Variants in ACSL1 observed in about 807,000 individuals in gnomAD.
The protein encoded by ACSL1 is acyl-CoA synthetase long chain family member 1.
In ACSL1, 41 loss-of-function variants were observed where a neutral mutation model predicts 98.4. The observed-to-expected ratio is 0.42, with a 90% CI of 0.32 to 0.54. The LOEUF (loss-of-function observed/expected upper bound fraction) is 0.54, where lower values mean the gene tolerates loss of function less well. Among genes scored for constraint, ACSL1 ranks in the 20% least tolerant of loss-of-function variants. ACSL1 has a pLI of 0.13. For missense variants in ACSL1, 734 were observed against 883.1 expected, an observed-to-expected ratio of 0.83 and a Z score of 2.14; for synonymous variants, 316 against 322.7, an observed-to-expected ratio of 0.98 and a Z score of 0.22.
Position 184,765,881 on chromosome 4 carries a change from T to G in ACSL1, c.1359+10A>C. 6.2e-7 allele frequency: 1 copy of G among 1,610,282 alleles called. No homozygotes were observed. Among genetic ancestry groups the G allele is most frequent in the African/African-American group, 1.3e-5 (1 of 74,898 alleles). On this transcript the variant is annotated intron_variant, in intron 14 of 20. Coordinates refer to ENST00000281455, the MANE Select transcript of ACSL1 (RefSeq NM_001995.5). Reference sequence around the variant, plus strand: ...TGTGGGAGAATCAGGCGCCGTGACATCCACCTCACCTGACAGCCCAGGGCT... The same window carrying G: ...TGTGGGAGAATCAGGCGCCGTGACAGCCACCTCACCTGACAGCCCAGGGCT...
intron 2 of ACSL1, among the ~76,000 whole-genome samples, chr4:184,797,339 T>C (rs12504996): frequency 0.1 from 15,368 of 152,278 alleles, 941 homozygotes; most frequent in Non-Finnish European, 0.14. Context: ...TTATTTCTCC[T>C]AGTTTGCAAG....
intron 15 of ACSL1, 149 bp from the exon 16 acceptor site, chr4:184,763,404 A>G (rs773820563): frequency 6.6e-5 from 49 of 738,746 alleles, no homozygotes; most frequent in East Asian, 1.6e-4. Flanking sequence ...TCTTCCTAGT[A>G]TAATTTAAGA....
At position 184,773,078 on chromosome 4, in the gene ACSL1, T is replaced by C. The variant is rs1366987564; in HGVS notation, c.915+3A>G. On this transcript the variant is annotated splice_donor_region_variant and intron_variant, in intron 10 of 20. Coordinates refer to ENST00000281455, the MANE Select transcript of ACSL1 (RefSeq NM_001995.5). The surrounding 1 kb of genome is among the most constrained non-coding windows in gnomAD (Gnocchi z 4.3). ...GAAAGATGACGACATCCCAAAAAGT[T>C]ACCTCTGTTGCTTTCACAAAAGCTG... 1.9e-6 allele frequency: 3 copies of C among 1,613,222 alleles called. No homozygotes were observed. Among genetic ancestry groups the C allele is most frequent in the Non-Finnish European group, 2.5e-6 (3 of 1,179,310 alleles).
chr4:184,817,112 C>A (rs1772702002), intron 1 of ACSL1, among the ~76,000 whole-genome samples: 1 of 152,096 alleles, frequency 6.6e-6, no homozygotes, highest in Non-Finnish European at 1.5e-5. Context: ...TGGAGTTAAC[C>A]TGACTCTCCT....
At chr4:184,788,841 T>C (rs1164018052) in intron 2 of ACSL1, 110 bp from the exon 3 acceptor site, 1 of 783,892 alleles carries the variant, frequency 1.3e-6, no homozygotes, top group Non-Finnish European at 2.1e-6. Flanking sequence ...TCTTGTCACT[T>C]ATCTGTAGTG....
At chr4:184,804,344 C>T (rs980061669) in intron 1 of ACSL1, among the ~76,000 whole-genome samples, 1 of 152,152 alleles carries the variant, frequency 6.6e-6, no homozygotes, top group African/African-American at 2.4e-5. Context: ...CTTTGGGAAG[C>T]CGAGGCGGGT....
chr4:184,791,903 G>A (rs929674012), intron 2 of ACSL1, among the ~76,000 whole-genome samples: 2 of 152,184 alleles, frequency 1.3e-5, no homozygotes, highest in African/African-American at 4.8e-5. Context: ...TCAGAAAAGA[G>A]ATGAAGTTTA....
chr4:184,777,734 A>T (rs1289697649), intron 5 of ACSL1, among the ~76,000 whole-genome samples: 1 of 152,106 alleles, frequency 6.6e-6, no homozygotes, highest in African/African-American at 2.4e-5. Flanking sequence ...GTAGCTACAG[A>T]TGCTACTGGG....
rs368938893 is a variant in ACSL1 at position 184,768,429 on chromosome 4, C to G, written c.1015G>C (p.Ala339Pro). 1 of 1,613,710 alleles carries G rather than the reference C, an allele frequency of 6.2e-7. No homozygotes were observed. Among genetic ancestry groups the G allele is most frequent in the Admixed American group, 1.7e-5 (1 of 59,904 alleles). ...TCTCCTTGGAAAAATCCGATTTTAGCTCCATGACACAGCATTACACACTAT... is the reference window on the plus strand; with the variant it reads ...TCTCCTTGGAAAAATCCGATTTTAGGTCCATGACACAGCATTACACACTAT... ...VVECVMLCHG[A>P]KIGFFQGDIR... Residue 339 changes from alanine to proline, a missense_variant, in exon 12 of 21, where the codon GCT (alanine) becomes CCT (proline). Transcript: ENST00000281455.
intron 17 of ACSL1, among the ~76,000 whole-genome samples, chr4:184,761,069 G>A: frequency 6.6e-6 from 1 of 152,182 alleles, no homozygotes. Context: ...AGTGCCGTAA[G>A]CAAAACCCTA....
At chr4:184,775,004 T>G (rs1765069910) in intron 7 of ACSL1, among the ~76,000 whole-genome samples, 1 of 152,208 alleles carries the variant, frequency 6.6e-6, no homozygotes, top group Non-Finnish European at 1.5e-5. Flanking sequence ...CTTCAAAAAC[T>G]GATGTTAAAT....
chr4:184,793,293 T>C (rs1052586245), intron 2 of ACSL1, among the ~76,000 whole-genome samples: 1 of 151,984 alleles, frequency 6.6e-6, no homozygotes, highest in Non-Finnish European at 1.5e-5. Flanking sequence ...AGGTTCCTCC[T>C]GAGGTCAGTC....
intron 3 of ACSL1, 86 bp from the exon 4 acceptor site, chr4:184,784,077 C>G: frequency 9.3e-7 from 1 of 1,071,976 alleles, no homozygotes. Context: ...CACTCTAATA[C>G]TAAACATCAG....
intron 2 of ACSL1, among the ~76,000 whole-genome samples, chr4:184,789,592 T>C (rs958818576): frequency 1.3e-5 from 2 of 152,254 alleles, no homozygotes; most frequent in African/African-American, 2.4e-5. Context: ...GCAACATTTA[T>C]AGGTGTGCAG....
At chr4:184,775,575 G>A (rs1320691558) in intron 7 of ACSL1, among the ~76,000 whole-genome samples, 1 of 152,118 alleles carries the variant, frequency 6.6e-6, no homozygotes, top group African/African-American at 2.4e-5. Context: ...ATGCTACTGA[G>A]AGAGAGAGTT....
intron 1 of ACSL1, among the ~76,000 whole-genome samples, chr4:184,807,606 G>A (rs1193271174): frequency 1.3e-5 from 2 of 152,210 alleles, no homozygotes; most frequent in Non-Finnish European, 2.9e-5. Context: ...GCAGAGACAG[G>A]CATAGCGAGG....
rs144546201 is a variant in ACSL1, at chr4:184,788,651, T to C, written c.276A>G (p.Leu92=). Residue 92 remains leucine (L), a synonymous_variant, in exon 3 of 21, where the codon TTA becomes TTG. Transcript: ENST00000281455. The stretch of plus-strand genomic sequence containing the variant: ...GTATTCCCCTCTGGAAACCTTCGTA[T>C]AATGTTGTGACATCATCATAGAAAT... The part of the protein sequence containing the change: ...LVYFYDDVTT[L]YEGFQRGIQV... 1.2e-6 allele frequency: 2 copies of C among 1,614,064 alleles called. No individual in the cohort carries two copies. Among genetic ancestry groups the C allele is most frequent in the African/African-American group, 2.7e-5 (2 of 74,930 alleles).
chr4:184,773,585 T>C lies in ACSL1; in HGVS notation c.841+78A>G, dbSNP rs1386889712. ...TTTTGGTCCGTCTACTGTTAGCTGA[T>C]AAGTCATCCAAAAGAGGTAGGGGAG... On this transcript the variant is annotated intron_variant, in intron 9 of 20. Transcript: ENST00000281455. This position sits in a 1 kb window ranked among gnomAD's most constrained non-coding sequence, Gnocchi z 4.3. The C allele has an allele frequency of 1.6e-5, 22 of 1,374,856 alleles. No individual in the cohort carries two copies. The highest frequency in any genetic ancestry group is 2.2e-5 in the Non-Finnish European group (22 of 999,506). The allele number at this position is 1,374,856 out of a possible 1,614,324, so 85.2% of individuals were successfully genotyped here.
At chr4:184,802,362 C>G (rs1295149272) in intron 2 of ACSL1, among the ~76,000 whole-genome samples, 1 of 152,048 alleles carries the variant, frequency 6.6e-6, no homozygotes, top group African/African-American at 2.4e-5. Context: ...GGCAGTCAGC[C>G]CGGGGGGGTG....
Sources: gnomAD v4.1 joint callset for allele counts (sites outside exome capture counted in the v4.1 genomes callset) on GRCh38, gnomAD v4.1.1 for gene constraint, Gnocchi (gnomAD v3.1) non-coding constraint, MANE v1.5 for transcripts, NCBI Gene and HGNC (gene_info 2026-07-23, HGNC 2026-07-21) for gene names.